Variants in NCALD observed in about 807,000 individuals in gnomAD.
NCALD encodes the protein neurocalcin-delta.
In NCALD, 10 loss-of-function variants were observed where a neutral mutation model predicts 18.6. That is an observed-to-expected ratio of 0.54 (90% confidence interval 0.33 to 0.91). The LOEUF is 0.91. Ranked by LOEUF, NCALD falls within the 40% of genes least tolerant of loss-of-function variation. NCALD has a pLI of 0.03. For missense variants in NCALD, 184 were observed against 247.6 expected, an observed-to-expected ratio of 0.74 and a Z score of 1.72; for synonymous variants, 88 against 87.4, an observed-to-expected ratio of 1.01 and a Z score of -0.04.
At position 101,870,191 on chromosome 8, in the gene NCALD, A is replaced by C. The variant is rs186233050; in HGVS notation, c.-20+16950T>G. 2.6e-5 allele frequency among the ~76,000 whole-genome samples: 4 copies of C among 152,332 alleles called. No individual in the cohort carries two copies. In the East Asian group the frequency reaches 7.7e-4, roughly 29 times the overall value. On this transcript the variant is annotated intron_variant, in intron 4 of 6. Transcript: ENST00000311028. ...ACTCTCTTTACTTCACATACTTAAA[A>C]ATTTCCCATCACAAATATAATGACT...
intron 4 of NCALD, chr8:101,847,172 T>G (rs1339484183): frequency 6.4e-6 from 1 of 156,602 alleles, no homozygotes; most frequent in East Asian, 1.8e-4. Context: ...ACTATTGCTT[T>G]GCTGCTGTCT....
chr8:102,102,374 G>A (rs1825311599), intron 1 of NCALD, among the ~76,000 whole-genome samples: 1 of 152,198 alleles, frequency 6.6e-6, no homozygotes, highest in Non-Finnish European at 1.5e-5. Flanking sequence ...AGCTCCCCTT[G>A]AGTTCCACAG....
At position 101,686,651 on chromosome 8, in the gene NCALD, C is replaced by T. The variant is rs992240485; in HGVS notation, c.*2658G>A. 3 of 152,554 alleles carry T rather than the reference C, an allele frequency of 2.0e-5. No individual in the cohort carries two copies. The highest frequency in any genetic ancestry group is 6.5e-5 in the Admixed American group (1 of 15,272). The allele number at this position is 152,554 out of a possible 1,614,324, so 9.5% of individuals were successfully genotyped here. ...TATAAATTATATATTATTAAATCCA[C>T]CGTGGGCATACAGATGGGATGGGAC... On this transcript the variant is annotated 3_prime_UTR_variant, in exon 4 of 4. Coordinates refer to ENST00000220931, the MANE Select transcript of NCALD (RefSeq NM_032041.3).
Position 101,719,397 on chromosome 8 carries a change from C to T in NCALD, c.233G>A (p.Gly78Glu). 6.2e-7 allele frequency: 1 copy of T among 1,614,198 alleles called. No individual in the cohort carries two copies. Among genetic ancestry groups the T allele is most frequent in the South Asian group, 1.1e-5 (1 of 91,080 alleles). Residue 78 changes from glycine (G) to glutamate (E), a missense_variant, in exon 2 of 4, where the codon GGG (glycine) becomes GAG (glutamate). Physicochemically the swap from Gly to Glu is moderately conservative, Grantham distance 98. Transcript: ENST00000220931. ...GATGAATTCTCTAAAGTCTATTGTC[C>T]CATCTCCATTTGCATCGAAGGTGCG... ...VFRTFDANGD[G>E]TIDFREFIIA... is the part of the protein sequence containing the mutation.
intron 1 of NCALD, among the ~76,000 whole-genome samples, chr8:102,077,320 G>T (rs145961888): frequency 6.6e-6 from 1 of 152,094 alleles, no homozygotes; most frequent in Non-Finnish European, 1.5e-5. Context: ...TTCAAAATAC[G>T]GAGGCCGCAT....
chr8:101,736,371 T>C (rs946847877), intron 1 of NCALD, among the ~76,000 whole-genome samples: 1 of 152,224 alleles, frequency 6.6e-6, no homozygotes, highest in Non-Finnish European at 1.5e-5. Context: ...AGTTTATTCA[T>C]GTCTCAGCAA....
At chr8:102,114,103 A>G (rs1047405508) in intron 1 of NCALD, among the ~76,000 whole-genome samples, 7 of 152,194 alleles carry the variant, frequency 4.6e-5, no homozygotes, top group African/African-American at 1.2e-4. Context: ...CATGCTCAAA[A>G]CAGCCCTGTA....
chr8:102,062,649 C>T (rs894791320), intron 1 of NCALD, among the ~76,000 whole-genome samples: 3 of 152,206 alleles, frequency 2.0e-5, no homozygotes, highest in Admixed American at 1.3e-4. Flanking sequence ...ACAGATCTGT[C>T]GGTTGGCTAG....
At chr8:101,699,912 G>A (rs1815176129) in intron 2 of NCALD, among the ~76,000 whole-genome samples, 1 of 151,780 alleles carries the variant, frequency 6.6e-6, no homozygotes, top group Admixed American at 6.6e-5. Flanking sequence ...AGAACCTAAA[G>A]TAAAATTTTA....
chr8:101,961,106 C>T (rs2131850406), intron 2 of NCALD, among the ~76,000 whole-genome samples: 1 of 152,200 alleles, frequency 6.6e-6, no homozygotes, highest in South Asian at 2.1e-4. Context: ...ATCCCTAGTA[C>T]CTCGGACAGT....
intron 4 of NCALD, among the ~76,000 whole-genome samples, chr8:101,817,672 C>G (rs908253303): frequency 2.0e-5 from 3 of 152,128 alleles, no homozygotes; most frequent in Non-Finnish European, 2.9e-5. Context: ...AATAATAACC[C>G]TAAAGAGAGG....
intron 1 of NCALD, among the ~76,000 whole-genome samples, chr8:101,743,646 G>T (rs1044197415): frequency 6.6e-6 from 1 of 152,198 alleles, no homozygotes; most frequent in African/African-American, 2.4e-5. Context: ...ACACTGAGCT[G>T]TGAGTGACAC....
rs906975858 is a variant in NCALD at position 101,688,623 on chromosome 8, G to T, written c.*686C>A. On this transcript the variant is annotated 3_prime_UTR_variant, in exon 4 of 4. Coordinates refer to ENST00000220931, the MANE Select transcript of NCALD (RefSeq NM_032041.3). Reference sequence around the variant, plus strand: ...TAGGCAACAAGATGGGTCTGGTTTTGGAATATGTTACCATTTGTGTTTAAT... The same window carrying T: ...TAGGCAACAAGATGGGTCTGGTTTTTGAATATGTTACCATTTGTGTTTAAT... The T allele has an allele frequency of 2.2e-6, 1 of 457,792 alleles. No homozygotes were observed. The highest frequency in any genetic ancestry group is 2.0e-5 in the African/African-American group (1 of 50,146). 28.4% of individuals were successfully genotyped at this position (457,792 alleles called of 1,614,324 possible). A position where few individuals can be genotyped will look rare whatever the true frequency, so the allele number is the denominator to read the frequency against.
chr8:102,001,987 G>C (rs1449955748), intron 2 of NCALD, among the ~76,000 whole-genome samples: 9 of 152,126 alleles, frequency 5.9e-5, no homozygotes, highest in African/African-American at 1.9e-4. Context: ...AAAATAACCA[G>C]CTAACATCAT....
chr8:101,844,857 T>C lies in NCALD; in HGVS notation c.-20+42284A>G, dbSNP rs148099859. Among the ~76,000 whole-genome samples, 22 of 152,360 alleles carry C rather than the reference T, an allele frequency of 1.4e-4. 1 individual carries two copies. Among genetic ancestry groups the C allele is most frequent in the South Asian group, 6.2e-4 (3 of 4,828 alleles). ...AAGAAGGAAAGAGAATACTACCCAA[T>C]TCTTAAGTATAATTAGGTTTATGAA... On this transcript the variant is annotated intron_variant, in intron 4 of 6. Transcript: ENST00000311028.
Position 101,906,806 on chromosome 8 carries a change from G to T in NCALD, c.-107+9003C>A, listed in dbSNP as rs139013033. 3.2e-3 allele frequency among the ~76,000 whole-genome samples: 492 copies of T among 152,324 alleles called. 2 individuals carry two copies. The highest frequency in any genetic ancestry group is 0.011 in the African/African-American group (460 of 41,568). On this transcript the variant is annotated intron_variant, in intron 3 of 6. Coordinates refer to the NCALD transcript ENST00000311028. ...CCAGCCTGGTGGACATCACCCCAGA[G>T]CAAGGGCATGGAGAGGCCAGATAGG...
chr8:101,910,324 G>T (rs1305492312), intron 3 of NCALD, among the ~76,000 whole-genome samples: 1 of 152,174 alleles, frequency 6.6e-6, no homozygotes, highest in Non-Finnish European at 1.5e-5. Flanking sequence ...GATCCGACAT[G>T]AGAGGAGGAG....
chr8:101,973,606 T>A (rs1409805044), intron 2 of NCALD, among the ~76,000 whole-genome samples: 1 of 152,154 alleles, frequency 6.6e-6, no homozygotes, highest in Non-Finnish European at 1.5e-5. Context: ...GTATGAGAAT[T>A]GTTTGGGGTA....
chr8:101,807,420 AAAT>A (rs1813145498), intron 4 of NCALD, among the ~76,000 whole-genome samples: 1 of 152,182 alleles, frequency 6.6e-6, no homozygotes, highest in Non-Finnish European at 1.5e-5. Flanking sequence ...TAGAGTAAGA[AAAT>A]AACACCATAT....
Sources: gnomAD v4.1 joint callset for allele counts (sites outside exome capture counted in the v4.1 genomes callset) on GRCh38, gnomAD v4.1.1 for gene constraint, MANE v1.5 for transcripts, NCBI Gene and HGNC (gene_info 2026-07-23, HGNC 2026-07-21) for gene names.